The following NEGR1 variants were observed in gnomAD, a reference collection of about 807,000 sequenced individuals.
NEGR1 encodes the protein neuronal growth regulator 1.
NEGR1 carries 10 observed loss-of-function variants against 40.9 expected under a neutral mutation model. The observed-to-expected ratio is 0.24, with a 90% CI of 0.15 to 0.42. The LOEUF is 0.42. Ranked by LOEUF, NEGR1 falls within the 10% of genes least tolerant of loss-of-function variation. The pLI, the probability that NEGR1 is intolerant of heterozygous loss-of-function variation, is 1.00. For missense variants in NEGR1, 352 were observed against 438.9 expected, an observed-to-expected ratio of 0.80 and a Z score of 1.77; for synonymous variants, 185 against 166.8, an observed-to-expected ratio of 1.11 and a Z score of -0.84.
At chr1:71,860,198 T>C (rs1281890266) in intron 2 of NEGR1, among the ~76,000 whole-genome samples, 1 of 146,532 alleles carries the variant, frequency 6.8e-6, no homozygotes, top group African/African-American at 2.5e-5. Context: ...TCTCATCATT[T>C]AAAAAAAAAA....
rs989038998 is a variant in NEGR1 at position 72,213,898 on chromosome 1, C to A, written c.176+68421G>T. ...GCATCATCCTGATACCAAATCCTGG[C>A]AGAGACACAACAAAAAAAGAAAATT... is the stretch of plus-strand genomic sequence containing the variant. On this transcript the variant is annotated intron_variant, in intron 1 of 6. Coordinates refer to ENST00000357731, the MANE Select transcript of NEGR1 (RefSeq NM_173808.3). Among the ~76,000 whole-genome samples, 25 of 151,986 alleles carry A rather than the reference C, an allele frequency of 1.6e-4. 1 individual carries two copies. Among genetic ancestry groups the A allele is most frequent in the Admixed American group, 1.4e-3 (22 of 15,214 alleles).
At chr1:71,758,600 T>C (rs1655824939) in intron 3 of NEGR1, among the ~76,000 whole-genome samples, 1 of 152,134 alleles carries the variant, frequency 6.6e-6, no homozygotes, top group African/African-American at 2.4e-5. Flanking sequence ...AAACATAATT[T>C]TAAAATGAGC....
intron 1 of NEGR1, among the ~76,000 whole-genome samples, chr1:72,077,372 T>C (rs1385396030): frequency 2.0e-5 from 3 of 152,132 alleles, no homozygotes; most frequent in African/African-American, 4.8e-5. Flanking sequence ...CAATGTTAAC[T>C]GAACCACATC....
intron 1 of NEGR1, among the ~76,000 whole-genome samples, chr1:71,935,666 T>G (rs1222993539): frequency 6.6e-6 from 1 of 152,182 alleles, no homozygotes; most frequent in Non-Finnish European, 1.5e-5. Flanking sequence ...TAAAGCCTAT[T>G]TCATTGTTTG....
chr1:71,706,892 T>C (rs1438136289), intron 3 of NEGR1, among the ~76,000 whole-genome samples: 4 of 152,080 alleles, frequency 2.6e-5, no homozygotes, highest in Non-Finnish European at 2.9e-5. Flanking sequence ...TGAGATTTGC[T>C]GGATTCAAGT....
chr1:71,559,677 C>T (rs1648377367), intron 6 of NEGR1, among the ~76,000 whole-genome samples: 1 of 151,454 alleles, frequency 6.6e-6, no homozygotes, highest in Non-Finnish European at 1.5e-5. Context: ...TAATCAAATT[C>T]CTAAAACATG....
rs1429072654 is a variant in NEGR1 at position 72,241,403 on chromosome 1, G to T, written c.176+40916C>A. Among the ~76,000 whole-genome samples, 4 of 151,550 alleles carry T rather than the reference G, an allele frequency of 2.6e-5. No homozygotes were observed. The East Asian group carries it at 7.7e-4, about 29-fold the overall frequency. ...TGGTTTTAATTAGTTAATTCTCTGT[G>T]AGAACTTTAGAAAGGGCTTTGTTTT... On this transcript the variant is annotated intron_variant, in intron 1 of 6. Coordinates refer to ENST00000357731, the MANE Select transcript of NEGR1 (RefSeq NM_173808.3).
intron 3 of NEGR1, among the ~76,000 whole-genome samples, chr1:71,737,410 A>C (rs1311790753): frequency 6.7e-6 from 1 of 150,004 alleles, no homozygotes; most frequent in East Asian, 2.0e-4. Flanking sequence ...CCTTAGTTGC[A>C]TCCCTCGAAA....
intron 1 of NEGR1, among the ~76,000 whole-genome samples, chr1:72,132,639 T>A (rs1650301184): frequency 6.6e-6 from 1 of 152,190 alleles, no homozygotes; most frequent in Non-Finnish European, 1.5e-5. Flanking sequence ...GTAACCACAA[T>A]AAGTGAGAAG....
intron 4 of NEGR1, among the ~76,000 whole-genome samples, chr1:71,682,705 T>A (rs1430506217): frequency 2.6e-5 from 4 of 152,202 alleles, no homozygotes; most frequent in Non-Finnish European, 5.9e-5. Flanking sequence ...CACATTGATA[T>A]TTAATCCCCA....
rs1215646929 is a variant in NEGR1, at chr1:71,698,044, A to G, written c.631T>C (p.Phe211Leu). Reference protein sequence around the residue: ...YECSAENDVSFPDVRKVKVVV... With the variant: ...YECSAENDVSLPDVRKVKVVV... Reference sequence around the variant, plus strand: ...ACTTTTACTTTCCTCACATCTGGGAATGACACATCATTTTCCGCACTGCAT... The same window carrying G: ...ACTTTTACTTTCCTCACATCTGGGAGTGACACATCATTTTCCGCACTGCAT... The change falls in exon 4 of 7, where the codon TTC becomes CTC. Residue 211 changes from phenylalanine (F) to leucine (L), a missense_variant. Physicochemically the swap from Phe to Leu is conservative, Grantham distance 22. Transcript: ENST00000357731. 2.5e-6 allele frequency: 4 copies of G among 1,611,620 alleles called. No individual in the cohort carries two copies. The highest frequency in any genetic ancestry group is 2.7e-5 in the African/African-American group (2 of 74,896).
At chr1:72,052,043 C>A (rs1045481920) in intron 1 of NEGR1, among the ~76,000 whole-genome samples, 1 of 151,424 alleles carries the variant, frequency 6.6e-6, no homozygotes, top group Non-Finnish European at 1.5e-5. Flanking sequence ...GCTTGACTAA[C>A]TTGGTGGGTA....
intron 1 of NEGR1, among the ~76,000 whole-genome samples, chr1:72,145,165 T>A (rs2100343571): frequency 6.6e-6 from 1 of 152,158 alleles, no homozygotes; most frequent in African/African-American, 2.4e-5. Flanking sequence ...TTCAGTGAAA[T>A]TACATACTAT....
chr1:71,500,438 A>C (rs187055863), intron 6 of NEGR1, among the ~76,000 whole-genome samples: 1 of 152,216 alleles, frequency 6.6e-6, no homozygotes, highest in African/African-American at 2.4e-5. Context: ...AGTTTTGGAT[A>C]AGTGTAATAT....
chr1:71,700,295 C>T (rs568047946), intron 3 of NEGR1, among the ~76,000 whole-genome samples: 1 of 151,712 alleles, frequency 6.6e-6, no homozygotes, highest in Non-Finnish European at 1.5e-5. Flanking sequence ...GCTAAAGAGC[C>T]CAGTGACACA....
chr1:71,602,492 C>A (rs868154814), intron 5 of NEGR1, among the ~76,000 whole-genome samples: 8 of 151,690 alleles, frequency 5.3e-5, no homozygotes, highest in African/African-American at 1.9e-4. Context: ...ACCTCGTGAT[C>A]CGCCCGCCTC....
intron 2 of NEGR1, among the ~76,000 whole-genome samples, chr1:71,784,350 T>G (rs1256786371): frequency 6.6e-6 from 1 of 152,164 alleles, no homozygotes. Context: ...AAAGGCTTTT[T>G]TTTTTTTAAA....
intron 3 of NEGR1, among the ~76,000 whole-genome samples, chr1:71,698,663 C>T (rs1320651837): frequency 6.6e-6 from 1 of 151,772 alleles, no homozygotes; most frequent in Admixed American, 6.6e-5. Context: ...AGTATTAATG[C>T]TGCCAAGAAA....
At chr1:71,680,843 T>C (rs915156588) in intron 4 of NEGR1, among the ~76,000 whole-genome samples, 1 of 152,240 alleles carries the variant, frequency 6.6e-6, no homozygotes. Flanking sequence ...ATCTTTTCCT[T>C]ATAACAGATT....
Sources: allele counts gnomAD v4.1 joint callset (sites outside exome capture counted in the v4.1 genomes callset), GRCh38; gene constraint gnomAD v4.1.1; transcripts MANE v1.5; gene names NCBI Gene and HGNC (gene_info 2026-07-23, HGNC 2026-07-21).